The following KPNA3 variants were observed in gnomAD, a reference collection of about 807,000 sequenced individuals.
The protein encoded by KPNA3 is importin subunit alpha-4.
A neutral mutation model predicts 73.8 loss-of-function variants in KPNA3; 13 were observed. The ratio of observed to expected loss-of-function variants is 0.18; its 90% confidence interval spans 0.11 to 0.28. The LOEUF (loss-of-function observed/expected upper bound fraction) is 0.28. KPNA3 is among the 10% of genes least tolerant of loss of function. KPNA3 has a pLI of 1.00. For synonymous variants in KPNA3, 186 were observed against 206.9 expected (o/e 0.90, Z 0.87); for missense variants, 360 against 618.1 (o/e 0.58, Z 4.43).
chr13:49,703,432 G>C (rs1019539252), intron 15 of KPNA3, among the ~76,000 whole-genome samples: 2 of 151,848 alleles, frequency 1.3e-5, no homozygotes, highest in Non-Finnish European at 2.9e-5. Context: ...CGCCCGCCTT[G>C]GCCTCCCAAA....
At chr13:49,767,094 G>C (rs1312080824) in intron 1 of KPNA3, among the ~76,000 whole-genome samples, 1 of 151,078 alleles carries the variant, frequency 6.6e-6, no homozygotes, top group East Asian at 1.9e-4. Context: ...AAATTTTAGA[G>C]CAATACCATG....
chr13:49,758,725 T>C (rs1255086890), intron 1 of KPNA3, among the ~76,000 whole-genome samples: 3 of 150,454 alleles, frequency 2.0e-5, no homozygotes, highest in Admixed American at 6.7e-5. Flanking sequence ...TATATAAATA[T>C]GCATATAAAT....
chr13:49,718,134 G>C (rs1954322460), intron 10 of KPNA3, among the ~76,000 whole-genome samples: 1 of 152,016 alleles, frequency 6.6e-6, no homozygotes, highest in Non-Finnish European at 1.5e-5. Flanking sequence ...TAACTTTACC[G>C]AGTTTCAATC....
chr13:49,732,530 A>G (rs1954479648), intron 5 of KPNA3, 64 bp from the exon 6 acceptor site: 1 of 1,444,464 alleles, frequency 6.9e-7, no homozygotes, highest in African/African-American at 1.4e-5. Context: ...AAATAACAAC[A>G]TATTAACTTC....
Position 49,700,876 on chromosome 13 carries a change from TG to T in KPNA3, c.*923del, listed in dbSNP as rs2137526308. Reference sequence around the variant, plus strand: ...AGATTTTTTTAAAAAACATCACCAATGGGTATTTTAGACTTTTGCAGTTTTT... The same window carrying T: ...AGATTTTTTTAAAAAACATCACCAATGGTATTTTAGACTTTTGCAGTTTTT... On this transcript the variant is annotated 3_prime_UTR_variant, in exon 17 of 17. Transcript: ENST00000261667. 6.6e-6 allele frequency: 1 copy of T among 152,636 alleles called. No homozygotes were observed. The highest frequency in any genetic ancestry group is 2.1e-4 in the South Asian group (1 of 4,832). 9.5% of individuals were successfully genotyped at this position (152,636 alleles called of 1,614,324 possible). A position where few individuals can be genotyped will look rare whatever the true frequency, so the allele number is the denominator to read the frequency against.
intron 1 of KPNA3, among the ~76,000 whole-genome samples, chr13:49,761,168 G>A (rs1954755777): frequency 6.6e-6 from 1 of 152,096 alleles, no homozygotes; most frequent in African/African-American, 2.4e-5. Flanking sequence ...TTAATGCAGT[G>A]CTGATGTCAT....
intron 1 of KPNA3, among the ~76,000 whole-genome samples, chr13:49,769,749 CGT>C (rs1954838189): frequency 6.6e-6 from 1 of 152,144 alleles, no homozygotes; most frequent in South Asian, 2.1e-4. Flanking sequence ...CATTCATGTA[CGT>C]GTTTTTCATC....
chr13:49,739,865 T>C (rs1954557271), intron 2 of KPNA3, among the ~76,000 whole-genome samples: 1 of 152,206 alleles, frequency 6.6e-6, no homozygotes, highest in Non-Finnish European at 1.5e-5. Context: ...TTTAAACATA[T>C]TATTTTTAAA....
At chr13:49,788,478 T>A (rs1362592766) in intron 1 of KPNA3, among the ~76,000 whole-genome samples, 1 of 152,052 alleles carries the variant, frequency 6.6e-6, no homozygotes, top group Non-Finnish European at 1.5e-5. Flanking sequence ...CCAACACTTT[T>A]AGAGGCCAAG....
intron 1 of KPNA3, among the ~76,000 whole-genome samples, chr13:49,754,162 T>C (rs1954690685): frequency 6.6e-6 from 1 of 152,072 alleles, no homozygotes; most frequent in South Asian, 2.1e-4. Flanking sequence ...CCGGGTGTGG[T>C]GGTTGCACCT....
chr13:49,737,036 T>C (rs1954528153), intron 2 of KPNA3, among the ~76,000 whole-genome samples: 2 of 152,250 alleles, frequency 1.3e-5, no homozygotes, highest in African/African-American at 4.8e-5. Flanking sequence ...TGTTCATTTT[T>C]ATTGCCAAAT....
intron 1 of KPNA3, among the ~76,000 whole-genome samples, chr13:49,751,197 A>C (rs1326522544): frequency 6.6e-6 from 1 of 152,138 alleles, no homozygotes; most frequent in Non-Finnish European, 1.5e-5. Flanking sequence ...TAACACCCTC[A>C]CCAAAAAGAT....
chr13:49,787,140 C>T (rs61054999), intron 1 of KPNA3, among the ~76,000 whole-genome samples: 3,274 of 152,246 alleles, frequency 0.022, 48 homozygotes, highest in South Asian at 0.03. Flanking sequence ...GTAGAGCTAA[C>T]TGAATTTTGC....
chr13:49,744,475 G>A (rs977385924), intron 2 of KPNA3, among the ~76,000 whole-genome samples: 13 of 152,130 alleles, frequency 8.5e-5, no homozygotes, highest in African/African-American at 3.1e-4. Context: ...ATAGATAATA[G>A]ACAAAATAAT....
intron 2 of KPNA3, among the ~76,000 whole-genome samples, chr13:49,738,501 T>C (rs1308207828): frequency 2.0e-5 from 3 of 152,238 alleles, no homozygotes; most frequent in Non-Finnish European, 4.4e-5. Context: ...TATACATCTC[T>C]CCATTTACTT....
intron 2 of KPNA3, among the ~76,000 whole-genome samples, chr13:49,737,610 T>C (rs1954536230): frequency 2.0e-5 from 2 of 101,382 alleles, no homozygotes; most frequent in South Asian, 6.4e-4. Context: ...TGTGTGTGTG[T>C]GTAAGAGCCA....
chr13:49,713,594 T>C (rs886232442), intron 10 of KPNA3, among the ~76,000 whole-genome samples: 65 of 147,696 alleles, frequency 4.4e-4, no homozygotes, highest in Non-Finnish European at 7.4e-4. Context: ...CTTTTCTATA[T>C]AGAAATTTAA....
chr13:49,782,133 C>G (rs1216730230), intron 1 of KPNA3, among the ~76,000 whole-genome samples: 1 of 152,280 alleles, frequency 6.6e-6, no homozygotes, highest in Non-Finnish European at 1.5e-5. Flanking sequence ...GAGGCAGGAG[C>G]ACCTACATTA....
intron 2 of KPNA3, among the ~76,000 whole-genome samples, chr13:49,733,490 T>C (rs553146736): frequency 5.8e-4 from 89 of 152,286 alleles, no homozygotes; most frequent in Middle Eastern, 3.4e-3. Flanking sequence ...GTTTTTGCCG[T>C]GTTGGCCAGG....
Sources: allele counts gnomAD v4.1 joint callset (sites outside exome capture counted in the v4.1 genomes callset), GRCh38; gene constraint gnomAD v4.1.1; transcripts MANE v1.5; gene names NCBI Gene and HGNC (gene_info 2026-07-23, HGNC 2026-07-21).